CFAP95: variants seen among roughly 807,000 people sequenced by gnomAD.
CFAP95 encodes the protein cilia and flagella associated protein 95.
the CFAP95 span, among the ~76,000 whole-genome samples, chr9:69,892,622 A>G: frequency 6.6e-6 from 1 of 152,130 alleles, no homozygotes; most frequent in Admixed American, 6.6e-5. Flanking sequence ...CAAAATGAGA[A>G]TATACATTCC....
chr9:69,835,049 T>C, the CFAP95 span, among the ~76,000 whole-genome samples: 106 of 152,328 alleles, frequency 7.0e-4, no homozygotes, highest in Non-Finnish European at 1.1e-3. Flanking sequence ...TTTATGCTTC[T>C]AATGTGTTAG....
chr9:69,857,031 G>A, the CFAP95 span, among the ~76,000 whole-genome samples: 1 of 150,218 alleles, frequency 6.7e-6, no homozygotes, highest in African/African-American at 2.5e-5. Context: ...TTGTTCACCT[G>A]TAAAATGGGA....
At chr9:69,857,947 T>C in the CFAP95 span, 6 of 1,614,094 alleles carry the variant, frequency 3.7e-6, no homozygotes, top group Non-Finnish European at 5.1e-6. Context: ...GGAGCTGTCT[T>C]TCCTAGACAT....
the CFAP95 span, chr9:69,906,000 G>A: frequency 2.5e-5 from 41 of 1,611,486 alleles, no homozygotes; most frequent in African/African-American, 3.7e-4. Flanking sequence ...AGAAAATGCC[G>A]TTCTCAGTTC....
the CFAP95 span, among the ~76,000 whole-genome samples, chr9:69,855,960 C>A: frequency 6.6e-6 from 1 of 152,090 alleles, no homozygotes; most frequent in African/African-American, 2.4e-5. Flanking sequence ...TGGCTCTGAA[C>A]CTCCAGCTTC....
chr9:69,888,749 G>A, the CFAP95 span, among the ~76,000 whole-genome samples: 2 of 152,048 alleles, frequency 1.3e-5, no homozygotes, highest in Admixed American at 6.6e-5. Flanking sequence ...GTGGTGGTGC[G>A]TGTCTGTAAT....
chr9:69,851,612 G>C, the CFAP95 span, among the ~76,000 whole-genome samples: 1 of 152,024 alleles, frequency 6.6e-6, no homozygotes, highest in East Asian at 1.9e-4. Flanking sequence ...ATATTTAATT[G>C]AGACTATTTT....
At chr9:69,827,396 C>T in the CFAP95 span, among the ~76,000 whole-genome samples, 4 of 152,330 alleles carry the variant, frequency 2.6e-5, no homozygotes, top group Non-Finnish European at 4.4e-5. Context: ...AACTTTTCAA[C>T]TGTTGGTTAC....
the CFAP95 span, among the ~76,000 whole-genome samples, chr9:69,887,548 A>G: frequency 6.6e-6 from 1 of 152,258 alleles, no homozygotes; most frequent in Non-Finnish European, 1.5e-5. Context: ...CTAACAGTTA[A>G]TAAATTATAA....
the CFAP95 span, among the ~76,000 whole-genome samples, chr9:69,877,707 A>G: frequency 1.3e-5 from 2 of 152,312 alleles, no homozygotes; most frequent in South Asian, 2.1e-4. Context: ...TTAAAAATGT[A>G]AACAACTTTG....
the CFAP95 span, among the ~76,000 whole-genome samples, chr9:69,878,457 C>T: frequency 6.6e-6 from 1 of 152,224 alleles, no homozygotes; most frequent in Non-Finnish European, 1.5e-5. Context: ...GATTCTGTTT[C>T]AGCATGGGCT....
At chr9:69,897,875 A>C in the CFAP95 span, among the ~76,000 whole-genome samples, 1 of 152,156 alleles carries the variant, frequency 6.6e-6, no homozygotes, top group Admixed American at 6.5e-5. Context: ...TTAACATCCT[A>C]ACCTGCCTTG....
At chr9:69,893,928 T>C in the CFAP95 span, among the ~76,000 whole-genome samples, 1 of 152,208 alleles carries the variant, frequency 6.6e-6, no homozygotes. Context: ...TATTATTGAC[T>C]GAAATGAAAT....
At chr9:69,863,373 A>T in the CFAP95 span, among the ~76,000 whole-genome samples, 7 of 152,222 alleles carry the variant, frequency 4.6e-5, no homozygotes, top group Non-Finnish European at 8.8e-5. Flanking sequence ...AACGAGAGGC[A>T]CATTTCCTTT....
At chr9:69,904,756 C>G in the CFAP95 span, among the ~76,000 whole-genome samples, 1 of 152,218 alleles carries the variant, frequency 6.6e-6, no homozygotes, top group Non-Finnish European at 1.5e-5. Flanking sequence ...ACCCACCAAG[C>G]AACCAACCAT....
At chr9:69,877,371 G>T in the CFAP95 span, among the ~76,000 whole-genome samples, 1 of 152,166 alleles carries the variant, frequency 6.6e-6, no homozygotes. Context: ...CACCTTATTG[G>T]TGTTTAGATT....
chr9:69,884,642 G>A, the CFAP95 span: 9 of 141,654 alleles, frequency 6.4e-5, no homozygotes, highest in East Asian at 2.2e-4. Flanking sequence ...ACATGCCACC[G>A]AACATGACAA....
the CFAP95 span, among the ~76,000 whole-genome samples, chr9:69,838,080 C>G: frequency 1.3e-5 from 2 of 152,124 alleles, no homozygotes; most frequent in African/African-American, 4.8e-5. Flanking sequence ...TGTTCTATTC[C>G]ATTGATCTAT....
At chr9:69,849,372 G>A in the CFAP95 span, among the ~76,000 whole-genome samples, 1 of 151,998 alleles carries the variant, frequency 6.6e-6, no homozygotes, top group Non-Finnish European at 1.5e-5. Flanking sequence ...GGAGGAAGGG[G>A]AGGAGGGAGG....
Sources: allele counts gnomAD v4.1 joint callset (sites outside exome capture counted in the v4.1 genomes callset), GRCh38; gene constraint gnomAD v4.1.1; transcripts MANE v1.5; gene names NCBI Gene and HGNC (gene_info 2026-07-23, HGNC 2026-07-21).